Variants in WDR59 observed in about 807,000 individuals in gnomAD.
WDR59 encodes WD repeat domain 59.
Under a neutral mutation model 131.2 loss-of-function variants are expected in WDR59, and 100 were observed. The observed-to-expected ratio is 0.76, with a 90% CI of 0.65 to 0.90. The LOEUF (loss-of-function observed/expected upper bound fraction) is 0.90. Among genes scored for constraint, WDR59 ranks in the 40% least tolerant of loss-of-function variants. The pLI, the probability that WDR59 is intolerant of heterozygous loss-of-function variation, is 0.00. For missense variants in WDR59, 1,203 were observed against 1,262.2 expected, an observed-to-expected ratio of 0.95 and a Z score of 0.71; for synonymous variants, 601 against 466.2, an observed-to-expected ratio of 1.29 and a Z score of -3.72.
intron 6 of WDR59, among the ~76,000 whole-genome samples, chr16:74,944,180 C>T (rs2032438441): frequency 2.6e-5 from 4 of 152,034 alleles, no homozygotes; most frequent in African/African-American, 9.7e-5. Context: ...ATCATTATAC[C>T]AGAGGCCAGG....
intron 8 of WDR59, among the ~76,000 whole-genome samples, chr16:74,924,368 A>T (rs1219799549): frequency 6.6e-6 from 1 of 152,182 alleles, no homozygotes; most frequent in Non-Finnish European, 1.5e-5. Flanking sequence ...TGTCCTGACT[A>T]CTCATTACAT....
intron 18 of WDR59, 96 bp from the exon 19 acceptor site, chr16:74,893,908 A>G (rs1965165638): frequency 1.4e-6 from 2 of 1,392,942 alleles, no homozygotes; most frequent in East Asian, 2.3e-5. Flanking sequence ...GGCAATTTGC[A>G]CTTTTTAAAA....
In WDR59 at chr16:74,898,951, A is replaced by G. The variant is rs1232660711; in HGVS notation, c.1866+4996T>C. 3.3e-5 allele frequency among the ~76,000 whole-genome samples: 5 copies of G among 152,172 alleles called. No homozygotes were observed. In the East Asian group the frequency reaches 7.7e-4, roughly 23 times the overall value. On this transcript the variant is annotated intron_variant, in intron 18 of 25. Coordinates refer to ENST00000262144, the MANE Select transcript of WDR59 (RefSeq NM_030581.4). ...GGCTTCTGATTCCAACTGGTTTTCT[A>G]TGACAAGGCTATAGGATGATTCCCC...
intron 17 of WDR59, among the ~76,000 whole-genome samples, chr16:74,907,994 T>C (rs1029292950): frequency 2.6e-5 from 4 of 152,196 alleles, no homozygotes; most frequent in East Asian, 3.8e-4. Flanking sequence ...TCTGCTACAA[T>C]AGATTGCCTA....
At chr16:74,941,181 A>T (rs1000298699) in intron 7 of WDR59, among the ~76,000 whole-genome samples, 9 of 150,572 alleles carry the variant, frequency 6.0e-5, no homozygotes, top group Non-Finnish European at 8.9e-5. Context: ...CAAAAAAAAA[A>T]TTTTTTTTAA....
rs1964328193 is a variant in WDR59, at chr16:74,878,578, G to A, written c.2690-4134C>T. ...GGAGAACTGCTTGAACCTGGGAGGT[G>A]GAGGTTACAGTGAGCCAAGACTGTA... On this transcript the variant is annotated intron_variant, in intron 25 of 25. Coordinates refer to ENST00000262144, the MANE Select transcript of WDR59 (RefSeq NM_030581.4). 2.1e-5 allele frequency among the ~76,000 whole-genome samples: 3 copies of A among 142,780 alleles called. No homozygotes were observed. The Admixed American group carries it at 2.3e-4, about 11-fold the overall frequency. The allele number at this position is 142,780 out of a possible 152,430, so 93.7% of individuals were successfully genotyped here.
At position 74,891,655 on chromosome 16, in the gene WDR59, G is replaced by C. The variant is rs979365169; in HGVS notation, c.2082+829C>G. Reference sequence around the variant, plus strand: ...AAGAACAAAAAGACTGGGTGTGGTGGCTCACGCCTGTAATCCCAACACTTT... The same window carrying C: ...AAGAACAAAAAGACTGGGTGTGGTGCCTCACGCCTGTAATCCCAACACTTT... On this transcript the variant is annotated intron_variant, in intron 20 of 25. Coordinates refer to ENST00000262144, the MANE Select transcript of WDR59 (RefSeq NM_030581.4). Among the ~76,000 whole-genome samples, 12 of 152,352 alleles carry C rather than the reference G, an allele frequency of 7.9e-5. 1 individual carries two copies. Among genetic ancestry groups the C allele is most frequent in the East Asian group, 1.9e-4 (1 of 5,186 alleles).
intron 2 of WDR59, among the ~76,000 whole-genome samples, chr16:74,957,854 C>A (rs2033365605): frequency 1.3e-5 from 2 of 152,030 alleles, no homozygotes; most frequent in South Asian, 4.2e-4. Flanking sequence ...ATACAAAACT[C>A]TAGGTGGTAG....
At chr16:74,924,055 C>T (rs1391477736) in intron 8 of WDR59, 52 bp from the exon 9 acceptor site, 5 of 1,561,944 alleles carry the variant, frequency 3.2e-6, no homozygotes, top group Non-Finnish European at 4.4e-6. Flanking sequence ...TTAAAAAATT[C>T]TACTGAAATA....
At position 74,916,225 on chromosome 16, in the gene WDR59, T is replaced by C. The variant is rs1417960325; in HGVS notation, c.1001A>G (p.Glu334Gly). The change falls in exon 12 of 26, where the codon GAG becomes GGG. Residue 334 changes from glutamate (E) to glycine (G), a missense_variant. Glu to Gly is a moderately conservative substitution (Grantham distance 98, BLOSUM62 -2). Coordinates refer to ENST00000262144, the MANE Select transcript of WDR59 (RefSeq NM_030581.4). ...CANDILDGVDEFIESISLLPE... is the reference protein window; with the variant it reads ...CANDILDGVDGFIESISLLPE... ...CAGAAGGGAAATACTCTCAATGAAC[T>C]CATCAACACCATCTAATATGTCATT... The C allele has an allele frequency of 6.2e-7, 1 of 1,613,956 alleles. No individual in the cohort carries two copies. Among genetic ancestry groups the C allele is most frequent in the East Asian group, 2.2e-5 (1 of 44,882 alleles).
chr16:74,918,400 A>T (rs1042849661), intron 10 of WDR59, among the ~76,000 whole-genome samples: 2 of 152,220 alleles, frequency 1.3e-5, no homozygotes, highest in Non-Finnish European at 2.9e-5. Flanking sequence ...TTAATGTCAC[A>T]CTAAACTTTC....
intron 25 of WDR59, among the ~76,000 whole-genome samples, chr16:74,874,717 G>A (rs965678166): frequency 6.6e-6 from 1 of 152,014 alleles, no homozygotes; most frequent in Non-Finnish European, 1.5e-5. Flanking sequence ...TCAGCCTCCC[G>A]AGTAGCTGGA....
At chr16:74,945,761 G>A (rs537097444) in intron 6 of WDR59, among the ~76,000 whole-genome samples, 1 of 151,530 alleles carries the variant, frequency 6.6e-6, no homozygotes, top group Admixed American at 6.6e-5. Flanking sequence ...GTCACTCCCG[G>A]TACAGTACAA....
intron 1 of WDR59, among the ~76,000 whole-genome samples, chr16:74,982,698 C>T (rs1314371288): frequency 6.6e-6 from 1 of 152,170 alleles, no homozygotes; most frequent in Non-Finnish European, 1.5e-5. Context: ...AGGAGTCTGG[C>T]GCCTCCCTAG....
chr16:74,982,463 G>C (rs1412095886), intron 1 of WDR59, among the ~76,000 whole-genome samples: 4 of 152,298 alleles, frequency 2.6e-5, no homozygotes, highest in Admixed American at 2.0e-4. Context: ...CGACTTCATA[G>C]CATCCTAATA....
In WDR59 at chr16:74,901,507, G is replaced by A. The variant is rs539019860; in HGVS notation, c.1866+2440C>T. Among the ~76,000 whole-genome samples the A allele has an allele frequency of 3.9e-5, 6 of 151,942 alleles. No individual in the cohort carries two copies. The South Asian group carries it at 1.2e-3, about 32-fold the overall frequency. On this transcript the variant is annotated intron_variant, in intron 18 of 25. Transcript: ENST00000262144. ...TGTTTTTAATTAACTGGGTGATGTG[G>A]TGTACTCTTGTAGTTCTAGCTACTC...
intron 4 of WDR59, among the ~76,000 whole-genome samples, chr16:74,950,118 G>C (rs1294224796): frequency 6.6e-6 from 1 of 152,196 alleles, no homozygotes. Context: ...GAGGCGGGCA[G>C]ATCACTTGAG....
chr16:74,885,522 A>C, intron 25 of WDR59, 131 bp downstream of exon 25: 1 of 1,102,334 alleles, frequency 9.1e-7, no homozygotes, highest in South Asian at 1.9e-5. Flanking sequence ...CTTGGAATAG[A>C]CTCAAAATGC....
intron 1 of WDR59, among the ~76,000 whole-genome samples, chr16:74,968,723 T>TCAAAA (rs746599660): frequency 3.4e-4 from 52 of 151,978 alleles, no homozygotes; most frequent in Middle Eastern, 3.4e-3. Context: ...AGACTCTGTC[T>TCAAAA]CAAAACAAAA....
Sources: gnomAD v4.1 joint callset for allele counts (sites outside exome capture counted in the v4.1 genomes callset) on GRCh38, gnomAD v4.1.1 for gene constraint, MANE v1.5 for transcripts, NCBI Gene and HGNC (gene_info 2026-07-23, HGNC 2026-07-21) for gene names.